Variants in ERBB4 observed in about 807,000 individuals in gnomAD.
The protein encoded by ERBB4 is erb-b2 receptor tyrosine kinase 4, also known as receptor tyrosine-protein kinase erbB-4.
A neutral mutation model predicts 158.0 loss-of-function variants in ERBB4; 42 were observed. The observed-to-expected ratio is 0.27, with a 90% CI of 0.21 to 0.34. The LOEUF is 0.34. Ranked by LOEUF, ERBB4 falls within the 10% of genes least tolerant of loss-of-function variation. The pLI is 1.00. For missense variants in ERBB4, 1,333 were observed against 1,624.1 expected, an observed-to-expected ratio of 0.82 and a Z score of 3.08; for synonymous variants, 583 against 558.7, an observed-to-expected ratio of 1.04 and a Z score of -0.61.
chr2:211,791,093 A>T (rs115699306), intron 3 of ERBB4, among the ~76,000 whole-genome samples: 2,467 of 152,026 alleles, frequency 0.016, 30 homozygotes, highest in African/African-American at 0.036. Flanking sequence ...TATTAAAAAA[A>T]TTCTAGAGAA....
intron 20 of ERBB4, among the ~76,000 whole-genome samples, chr2:211,518,904 T>C (rs1292499812): frequency 6.6e-6 from 1 of 152,160 alleles, no homozygotes; most frequent in East Asian, 1.9e-4. Context: ...TACTTATTTT[T>C]AAAATTAATT....
chr2:212,056,929 T>C (rs949980741), intron 2 of ERBB4, among the ~76,000 whole-genome samples: 9 of 152,232 alleles, frequency 5.9e-5, no homozygotes, highest in African/African-American at 2.2e-4. Context: ...CACATAACAA[T>C]ATTAACCTTA....
At chr2:212,434,154 A>G (rs561909076) in intron 1 of ERBB4, among the ~76,000 whole-genome samples, 1 of 152,088 alleles carries the variant, frequency 6.6e-6, no homozygotes, top group African/African-American at 2.4e-5. Context: ...AATAGTGCAA[A>G]TTCACATCCA....
At chr2:211,670,658 A>G (rs902998145) in intron 14 of ERBB4, among the ~76,000 whole-genome samples, 4 of 152,198 alleles carry the variant, frequency 2.6e-5, no homozygotes, top group African/African-American at 9.6e-5. Context: ...TCATTTAAGT[A>G]CATTGAGCAA....
intron 12 of ERBB4, among the ~76,000 whole-genome samples, chr2:211,687,997 G>T (rs2072637263): frequency 6.6e-6 from 1 of 152,066 alleles, no homozygotes; most frequent in Admixed American, 6.6e-5. Context: ...CTATTCTAAG[G>T]ATCTTAAAAT....
At chr2:211,763,915 A>ACACACACACACAC (rs1553627666) in intron 4 of ERBB4, among the ~76,000 whole-genome samples, 1 of 36,210 alleles carries the variant, frequency 2.8e-5, no homozygotes, top group Non-Finnish European at 7.1e-5. Context: ...CACACACACA[A>ACACACACACACAC]ATATATGTAT....
intron 2 of ERBB4, among the ~76,000 whole-genome samples, chr2:212,038,673 T>C (rs769915124): frequency 6.6e-6 from 1 of 152,164 alleles, no homozygotes; most frequent in African/African-American, 2.4e-5. Context: ...TCTTTCACCA[T>C]ATCTATAAAT....
At chr2:212,297,592 G>C (rs547241973) in intron 1 of ERBB4, among the ~76,000 whole-genome samples, 1 of 151,738 alleles carries the variant, frequency 6.6e-6, no homozygotes, top group East Asian at 1.9e-4. Flanking sequence ...GAAAGACACA[G>C]AAAGACTTGA....
At chr2:212,340,565 T>C (rs1040203952) in intron 1 of ERBB4, among the ~76,000 whole-genome samples, 1 of 152,150 alleles carries the variant, frequency 6.6e-6, no homozygotes, top group African/African-American at 2.4e-5. Flanking sequence ...GCCACCCAGA[T>C]TCCTTGCATG....
intron 2 of ERBB4, among the ~76,000 whole-genome samples, chr2:212,015,975 A>C (rs968241435): frequency 4.9e-5 from 7 of 144,278 alleles, no homozygotes; most frequent in African/African-American, 2.1e-4. Flanking sequence ...GCATTCCCTA[A>C]ATAAAGAGAA....
In ERBB4 at chr2:212,063,377, A is replaced by G. The variant is rs1237455134; in HGVS notation, c.234+61375T>C. ...TGATATTTAACAGATTATAAATGTT[A>G]TCTTAAATAGTTTGAAGGACATACA... On this transcript the variant is annotated intron_variant, in intron 2 of 27. Transcript: ENST00000342788. 3.9e-5 allele frequency among the ~76,000 whole-genome samples: 6 copies of G among 152,270 alleles called. No individual in the cohort carries two copies. In the East Asian group the frequency reaches 1.2e-3, roughly 29 times the overall value.
intron 25 of ERBB4, among the ~76,000 whole-genome samples, chr2:211,388,781 G>T (rs28515959): frequency 0.1 from 15,200 of 152,044 alleles, 1,846 homozygotes; most frequent in African/African-American, 0.29. Context: ...TCTAATAAAA[G>T]ATGAAGGACA....
intron 6 of ERBB4, among the ~76,000 whole-genome samples, chr2:211,723,575 G>T (rs1279850572): frequency 6.6e-6 from 1 of 151,716 alleles, no homozygotes; most frequent in Non-Finnish European, 1.5e-5. Flanking sequence ...CCTGATGATG[G>T]TCTACTAGAT....
chr2:211,666,455 T>C (rs1328069157), intron 14 of ERBB4, among the ~76,000 whole-genome samples: 4 of 152,158 alleles, frequency 2.6e-5, no homozygotes, highest in Non-Finnish European at 5.9e-5. Flanking sequence ...TGAAAATATA[T>C]CTAAAAGTCA....
chr2:212,006,203 A>C (rs1369475879), intron 2 of ERBB4, among the ~76,000 whole-genome samples: 1 of 152,144 alleles, frequency 6.6e-6, no homozygotes, highest in Non-Finnish European at 1.5e-5. Context: ...GAATCTTTCT[A>C]ATTATTCTTT....
intron 2 of ERBB4, among the ~76,000 whole-genome samples, chr2:212,082,955 T>C (rs2078490591): frequency 6.6e-6 from 1 of 151,962 alleles, no homozygotes; most frequent in South Asian, 2.1e-4. Flanking sequence ...ACATTATAAA[T>C]GAATACAATA....
chr2:211,596,384 C>T (rs191281859), intron 19 of ERBB4, among the ~76,000 whole-genome samples: 18 of 152,208 alleles, frequency 1.2e-4, no homozygotes, highest in Admixed American at 4.6e-4. Context: ...CAAAATAAGA[C>T]GAATATATTC....
rs750547138 is a variant in ERBB4, at chr2:212,538,404, C to G, written c.82+45G>C. 3.9e-6 allele frequency: 6 copies of G among 1,557,550 alleles called. No individual in the cohort carries two copies. In the South Asian group the frequency reaches 4.4e-5, roughly 12 times the overall value. ...AGGGGAGCCACTCGAGGCAGCCCCG[C>G]CGGCGGCTGCAGGTTCGGCGACCGG... On this transcript the variant is annotated intron_variant, in intron 1 of 27. Transcript: ENST00000342788.
At chr2:211,937,099 T>C (rs2080345447) in intron 3 of ERBB4, among the ~76,000 whole-genome samples, 1 of 152,214 alleles carries the variant, frequency 6.6e-6, no homozygotes, top group Non-Finnish European at 1.5e-5. Flanking sequence ...GTTTTGGATC[T>C]AATATCTTTA....
Sources: gnomAD v4.1 joint callset for allele counts (sites outside exome capture counted in the v4.1 genomes callset) on GRCh38, gnomAD v4.1.1 for gene constraint, MANE v1.5 for transcripts, NCBI Gene and HGNC (gene_info 2026-07-23, HGNC 2026-07-21) for gene names.